Variants in AFG3L2 observed in about 807,000 individuals in gnomAD.
The protein encoded by AFG3L2 is mitochondrial inner membrane m-AAA protease component AFG3L2.
Under a neutral mutation model 94.5 loss-of-function variants are expected in AFG3L2, and 54 were observed. The ratio of observed to expected loss-of-function variants is 0.57; its 90% CI spans 0.46 to 0.72. The LOEUF (loss-of-function observed/expected upper bound fraction) is 0.72. Ranked by LOEUF, AFG3L2 falls within the 30% of genes least tolerant of loss-of-function variation. AFG3L2 has a pLI of 0.00. For synonymous variants in AFG3L2, 377 were observed against 365.5 expected, an observed-to-expected ratio of 1.03 and a Z score of -0.36; for missense variants, 754 against 994.9, an observed-to-expected ratio of 0.76 and a Z score of 3.26.
rs1370308896 is a variant in AFG3L2, at chr18:12,367,064, A to G, written c.453T>C (p.Ala151=). 1 of 1,614,230 alleles carries G rather than the reference A, an allele frequency of 6.2e-7. No homozygotes were observed. The highest frequency in any genetic ancestry group is 8.5e-7 in the Non-Finnish European group (1 of 1,180,048). ...AAAACATGACTCCACCCCAGAACAG[A>G]GCAGTCCAGAGGAAGAACATCCTGA... The part of the protein sequence containing the change: ...KDFRMFFLWT[A]LFWGGVMFYL... Residue 151 remains alanine (A), a synonymous_variant, in exon 5 of 17, where the codon GCT becomes GCC. Coordinates refer to ENST00000269143, the MANE Select transcript of AFG3L2 (RefSeq NM_006796.3).
chr18:12,332,878 C>T (rs1230436249), intron 16 of AFG3L2, among the ~76,000 whole-genome samples: 3 of 38,990 alleles, frequency 7.7e-5, no homozygotes, highest in Non-Finnish European at 1.8e-4. Flanking sequence ...TGATCACTTA[C>T]ATTTCAATAA....
At chr18:12,376,676 G>A (rs1909167038) in intron 1 of AFG3L2, among the ~76,000 whole-genome samples, 1 of 152,246 alleles carries the variant, frequency 6.6e-6, no homozygotes, top group Non-Finnish European at 1.5e-5. Flanking sequence ...GCGGGGACAA[G>A]GACGGCCACC....
rs1352376700 is a variant in AFG3L2 at position 12,367,137 on chromosome 18, G to C, written c.400-20C>G. 6.2e-7 allele frequency: 1 copy of C among 1,614,010 alleles called. No individual in the cohort carries two copies. Among genetic ancestry groups the C allele is most frequent in the African/African-American group, 1.3e-5 (1 of 74,932 alleles). On this transcript the variant is annotated intron_variant, in intron 4 of 16. Coordinates refer to ENST00000269143, the MANE Select transcript of AFG3L2 (RefSeq NM_006796.3). ...GTCACCCTGGGCAGAGAGGGAGACA[G>C]CTTCTGTGAAGAATGAAATTCCACA...
intron 15 of AFG3L2, among the ~76,000 whole-genome samples, chr18:12,339,014 GCA>G (rs2143118164): frequency 6.6e-6 from 1 of 151,842 alleles, no homozygotes; most frequent in East Asian, 1.9e-4. Context: ...CAGCACTTTG[GCA>G]GGCCAAGGCG....
At chr18:12,336,208 T>C (rs760208835) in intron 16 of AFG3L2, among the ~76,000 whole-genome samples, 3 of 152,264 alleles carry the variant, frequency 2.0e-5, no homozygotes, top group Non-Finnish European at 4.4e-5. Context: ...TAGGCATGGT[T>C]AAATAATTAC....
chr18:12,366,880 A>G, intron 5 of AFG3L2, 85 bp downstream of exon 5: 4 of 1,552,710 alleles, frequency 2.6e-6, no homozygotes, highest in Non-Finnish European at 3.6e-6. Flanking sequence ...GAGCCAGGTT[A>G]ACCTGCTGAC....
chr18:12,376,095 T>C (rs750031911), intron 1 of AFG3L2, among the ~76,000 whole-genome samples: 1 of 152,240 alleles, frequency 6.6e-6, no homozygotes, highest in Non-Finnish European at 1.5e-5. Flanking sequence ...CCCTAAGTGC[T>C]GGGATCGCAG....
intron 16 of AFG3L2, among the ~76,000 whole-genome samples, chr18:12,334,090 A>G (rs1044051750): frequency 1.3e-5 from 2 of 152,202 alleles, no homozygotes; most frequent in African/African-American, 4.8e-5. Context: ...GCCCTCAGGT[A>G]CACACTCCCT....
intron 1 of AFG3L2, among the ~76,000 whole-genome samples, chr18:12,374,184 ACTT>A (rs1052766121): frequency 4.6e-5 from 7 of 152,170 alleles, no homozygotes; most frequent in East Asian, 1.9e-4. Context: ...CATCAATGAA[ACTT>A]CTTCTCCTCT....
At chr18:12,376,842 G>A (rs1909173769) in intron 1 of AFG3L2, 127 bp downstream of exon 1, 1 of 663,524 alleles carries the variant, frequency 1.5e-6, no homozygotes, top group Non-Finnish European at 2.2e-6. Flanking sequence ...AGGGCGCCCA[G>A]GCCCTCGGCA....
intron 6 of AFG3L2, among the ~76,000 whole-genome samples, chr18:12,363,565 GAAACA>G (rs1174122623): frequency 6.6e-6 from 1 of 151,970 alleles, no homozygotes; most frequent in African/African-American, 2.4e-5. Flanking sequence ...ATGATTATCA[GAAACA>G]AAACAAAACA....
intron 1 of AFG3L2, among the ~76,000 whole-genome samples, chr18:12,374,346 G>A (rs1441029888): frequency 6.6e-6 from 1 of 152,170 alleles, no homozygotes; most frequent in African/African-American, 2.4e-5. Context: ...TTTATCATCA[G>A]TCTTATTCCT....
chr18:12,369,430 T>G (rs1908908452), intron 3 of AFG3L2, among the ~76,000 whole-genome samples: 1 of 152,094 alleles, frequency 6.6e-6, no homozygotes, highest in Admixed American at 6.5e-5. Flanking sequence ...CAAGTACATT[T>G]AAAAACGTGG....
chr18:12,352,267 C>A (rs1456566269), intron 10 of AFG3L2, among the ~76,000 whole-genome samples: 2 of 152,206 alleles, frequency 1.3e-5, no homozygotes, highest in Non-Finnish European at 1.5e-5. Flanking sequence ...GTGAACGCAA[C>A]AGGGGCTGAC....
chr18:12,343,300 A>G (rs1908013583), intron 14 of AFG3L2: 1 of 151,448 alleles, frequency 6.6e-6, no homozygotes, highest in Admixed American at 6.6e-5. Flanking sequence ...GAATTCTTCA[A>G]CCTTGCTAAC....
In AFG3L2 at chr18:12,351,424, A is replaced by T. The variant is rs1219136196; in HGVS notation, c.1319-11T>A. 1 of 1,612,250 alleles carries T rather than the reference A, an allele frequency of 6.2e-7. No homozygotes were observed. The highest frequency in any genetic ancestry group is 1.7e-5 in the Admixed American group (1 of 60,006). On this transcript the variant is annotated splice_polypyrimidine_tract_variant and intron_variant, in intron 10 of 16. Transcript: ENST00000269143. Reference sequence around the variant, plus strand: ...TTGTTGTATTAAAACCTGAAAGATAACAAAAATGCAAACACTATTAAATGA... The same window carrying T: ...TTGTTGTATTAAAACCTGAAAGATATCAAAAATGCAAACACTATTAAATGA...
At chr18:12,340,074 TA>T in intron 15 of AFG3L2, 126 bp downstream of exon 15, 1 of 889,158 alleles carries the variant, frequency 1.1e-6, no homozygotes, top group Non-Finnish European at 1.9e-6. Flanking sequence ...TTTTAAGAGA[TA>T]ATCCTTGCCT....
chr18:12,338,047 G>C (rs1376945979), intron 15 of AFG3L2, among the ~76,000 whole-genome samples: 2 of 152,086 alleles, frequency 1.3e-5, no homozygotes, highest in African/African-American at 4.8e-5. Flanking sequence ...TGGGATTACG[G>C]GCATGAGCCC....
At chr18:12,329,844 A>C (rs548798388) in intron 16 of AFG3L2, 61 bp from the exon 17 acceptor site, 2 of 1,450,610 alleles carry the variant, frequency 1.4e-6, no homozygotes, top group Non-Finnish European at 1.9e-6. Context: ...CAGAAATATT[A>C]ATTTTTTATT....
Sources: allele counts gnomAD v4.1 joint callset (sites outside exome capture counted in the v4.1 genomes callset), GRCh38; gene constraint gnomAD v4.1.1; transcripts MANE v1.5; gene names NCBI Gene and HGNC (gene_info 2026-07-23, HGNC 2026-07-21).